GPC6: variants seen among roughly 807,000 people sequenced by gnomAD.
The protein encoded by GPC6 is glypican-6.
In GPC6, 14 loss-of-function variants were observed where a neutral mutation model predicts 55.2. The observed-to-expected ratio is 0.25, with a 90% CI of 0.17 to 0.40. GPC6 has a LOEUF of 0.40. GPC6 is among the 10% of genes least tolerant of loss of function. The pLI is 1.00. For synonymous variants in GPC6, 278 were observed against 259.6 expected (o/e 1.07, Z -0.68); for missense variants, 641 against 708.5 (o/e 0.90, Z 1.08).
chr13:93,989,539 A>G (rs1380797453), intron 3 of GPC6, among the ~76,000 whole-genome samples: 1 of 152,148 alleles, frequency 6.6e-6, no homozygotes, highest in Non-Finnish European at 1.5e-5. Flanking sequence ...CAGTTTTTAA[A>G]AGGATTCTAA....
At chr13:94,225,132 G>C (rs1000035886) in intron 4 of GPC6, among the ~76,000 whole-genome samples, 1 of 152,148 alleles carries the variant, frequency 6.6e-6, no homozygotes, top group East Asian at 1.9e-4. Flanking sequence ...CTAGGGTGTC[G>C]GCTGTTCTTT....
intron 4 of GPC6, among the ~76,000 whole-genome samples, chr13:94,254,408 G>A (rs1891444866): frequency 6.6e-6 from 1 of 152,038 alleles, no homozygotes; most frequent in Admixed American, 6.6e-5. Context: ...TTCAGTGTGG[G>A]TCAAAGTAAC....
At chr13:94,383,140 T>G (rs939365019) in intron 7 of GPC6, among the ~76,000 whole-genome samples, 20 of 152,102 alleles carry the variant, frequency 1.3e-4, no homozygotes, top group African/African-American at 4.6e-4. Flanking sequence ...GGACTTGATA[T>G]GGAATTTCTG....
chr13:93,295,109 CAAAAAAAAAAAAA>C (rs71202577), intron 1 of GPC6, among the ~76,000 whole-genome samples: 1 of 61,828 alleles, frequency 1.6e-5, no homozygotes, highest in South Asian at 5.8e-4. Flanking sequence ...TCTGTCTCTG[CAAAAAAAAAAAAA>C]AAAAAAAAAA....
chr13:93,694,654 G>A (rs1460852734), intron 2 of GPC6, among the ~76,000 whole-genome samples: 1 of 152,134 alleles, frequency 6.6e-6, no homozygotes, highest in African/African-American at 2.4e-5. Flanking sequence ...CCAGATGCAG[G>A]CTTCGGAAGA....
chr13:94,095,357 T>C (rs1410750), intron 4 of GPC6, among the ~76,000 whole-genome samples: 151,072 of 152,272 alleles, frequency 0.99, 74,951 homozygotes, highest in East Asian at 1. Flanking sequence ...GAAGCAGTAA[T>C]GCAAATCACA....
intron 1 of GPC6, among the ~76,000 whole-genome samples, chr13:93,326,578 T>C (rs977919167): frequency 9.2e-5 from 14 of 152,218 alleles, no homozygotes; most frequent in Non-Finnish European, 1.8e-4. Context: ...GCACTTATGA[T>C]AAAATTGCTT....
intron 5 of GPC6, among the ~76,000 whole-genome samples, chr13:94,298,359 T>G (rs1458041758): frequency 9.2e-5 from 14 of 152,230 alleles, no homozygotes; most frequent in Non-Finnish European, 2.1e-4. Flanking sequence ...CCACTTCCAC[T>G]TTGAGAAAGG....
intron 1 of GPC6, among the ~76,000 whole-genome samples, chr13:93,442,021 G>A (rs960808505): frequency 1.3e-5 from 2 of 152,182 alleles, no homozygotes; most frequent in Non-Finnish European, 2.9e-5. Flanking sequence ...TTTTAAACAG[G>A]AAAGGATGGG....
At position 94,405,136 on chromosome 13, in the gene GPC6, T is replaced by C. The variant is rs1003848009; in HGVS notation, c.*1919T>C. 2.6e-5 allele frequency: 4 copies of C among 152,228 alleles called. No homozygotes were observed. The highest frequency in any genetic ancestry group is 9.6e-5 in the African/African-American group (4 of 41,464). The allele number at this position is 152,228 out of a possible 1,614,324, so 9.4% of individuals were successfully genotyped here. A position where few individuals can be genotyped will look rare whatever the true frequency, so the allele number is the denominator to read the frequency against. On this transcript the variant is annotated 3_prime_UTR_variant, in exon 9 of 9. Coordinates refer to ENST00000377047, the MANE Select transcript of GPC6 (RefSeq NM_005708.5). ...ATAGTATTAAGTATATTTGAGCACT[T>C]TTGCAAGACAGAAAGTATTTACAAG... is the stretch of plus-strand genomic sequence containing the variant.
At chr13:94,261,166 T>C (rs1004305944) in intron 4 of GPC6, among the ~76,000 whole-genome samples, 1 of 151,984 alleles carries the variant, frequency 6.6e-6, no homozygotes, top group Non-Finnish European at 1.5e-5. Flanking sequence ...CCCAGCTGCC[T>C]TGGGAGGCTG....
intron 3 of GPC6, among the ~76,000 whole-genome samples, chr13:94,007,350 A>G (rs2140430124): frequency 6.6e-6 from 1 of 152,356 alleles, no homozygotes; most frequent in Middle Eastern, 3.4e-3. Flanking sequence ...CAGTGAAGAC[A>G]GCAGGAGGAA....
intron 4 of GPC6, among the ~76,000 whole-genome samples, chr13:94,170,915 C>G (rs1888543065): frequency 6.6e-6 from 1 of 152,150 alleles, no homozygotes; most frequent in Non-Finnish European, 1.5e-5. Context: ...TCTGCCTACT[C>G]CATGTCCAGA....
At chr13:93,620,953 C>T (rs1878927108) in intron 2 of GPC6, among the ~76,000 whole-genome samples, 1 of 152,112 alleles carries the variant, frequency 6.6e-6, no homozygotes, top group African/African-American at 2.4e-5. Flanking sequence ...TATCTTTTCC[C>T]CCCAGTATAA....
At chr13:93,892,374 T>C (rs1875745860) in intron 3 of GPC6, among the ~76,000 whole-genome samples, 1 of 152,200 alleles carries the variant, frequency 6.6e-6, no homozygotes, top group Non-Finnish European at 1.5e-5. Context: ...ACATACCCTT[T>C]TATGACTTTT....
chr13:93,842,667 T>C (rs959002164), intron 3 of GPC6, among the ~76,000 whole-genome samples: 21 of 152,144 alleles, frequency 1.4e-4, no homozygotes, highest in African/African-American at 4.8e-4. Context: ...TGAATCACCC[T>C]AGCCAAATAG....
chr13:93,981,532 A>G (rs1258258137), intron 3 of GPC6, among the ~76,000 whole-genome samples: 1 of 152,140 alleles, frequency 6.6e-6, no homozygotes, highest in East Asian at 1.9e-4. Flanking sequence ...CAGAAAATGG[A>G]ATTTATTAGG....
intron 1 of GPC6, among the ~76,000 whole-genome samples, chr13:93,473,738 G>A (rs1311795203): frequency 6.6e-6 from 1 of 152,178 alleles, no homozygotes; most frequent in Non-Finnish European, 1.5e-5. Context: ...CCATCATGGT[G>A]TCTCCATGGA....
At chr13:94,257,661 G>C in intron 4 of GPC6, among the ~76,000 whole-genome samples, 1 of 152,146 alleles carries the variant, frequency 6.6e-6, no homozygotes, top group Admixed American at 6.5e-5. Flanking sequence ...CCTTGAACAC[G>C]GTGACTTGAC....
Sources: allele counts gnomAD v4.1 joint callset (sites outside exome capture counted in the v4.1 genomes callset), GRCh38; gene constraint gnomAD v4.1.1; transcripts MANE v1.5; gene names NCBI Gene and HGNC (gene_info 2026-07-23, HGNC 2026-07-21).